SPTLC1: variants seen among roughly 807,000 people sequenced by gnomAD.
The protein encoded by SPTLC1 is serine palmitoyltransferase long chain base subunit 1.
A neutral mutation model predicts 68.9 loss-of-function variants in SPTLC1; 55 were observed. The ratio of observed to expected loss-of-function variants is 0.80; its 90% CI spans 0.64 to 1.00. SPTLC1 has a LOEUF of 1.00. SPTLC1 is among the 50% of genes least tolerant of loss of function. The probability of loss-of-function intolerance (pLI) is 0.00; values close to 1 mark genes in which losing one functional copy is unlikely to be tolerated. For missense variants in SPTLC1, 449 were observed against 573.1 expected (o/e 0.78, Z 2.21); for synonymous variants, 197 against 201.6 (o/e 0.98, Z 0.19).
At chr9:92,112,410 T>C (rs1056756640) in intron 2 of SPTLC1, 45 bp downstream of exon 2, 1 of 1,347,718 alleles carries the variant, frequency 7.4e-7, no homozygotes, top group Non-Finnish European at 1.1e-6. Flanking sequence ...ACATAGCAAC[T>C]ATAATCACAT....
At position 92,032,552 on chromosome 9, in the gene SPTLC1, C is replaced by A; in HGVS notation, c.1335G>T (p.Arg445=). 7 of 1,614,108 alleles carry A rather than the reference C, an allele frequency of 4.3e-6. No homozygotes were observed. The highest frequency in any genetic ancestry group is 5.9e-6 in the Non-Finnish European group (7 of 1,180,026). The change falls in exon 15 of 15, where the codon CGG becomes CGT. Residue 445 remains arginine (R), a synonymous_variant. Coordinates refer to ENST00000262554, the MANE Select transcript of SPTLC1 (RefSeq NM_006415.4). ...EEKCLPPPSI[R]VVVTVEQTEE... is the part of the protein sequence containing the mutation. ...CTGTTTGTTCCACCGTGACCACAAC[C>A]CGAATGCTGAGAACAGTAAAGGACA... is the stretch of plus-strand genomic sequence containing the variant.
chr9:92,085,060 T>C (rs1381444018), intron 3 of SPTLC1, among the ~76,000 whole-genome samples: 1 of 151,246 alleles, frequency 6.6e-6, no homozygotes, highest in Non-Finnish European at 1.5e-5. Context: ...TGATGGTAGT[T>C]TGTATTTCTG....
intron 6 of SPTLC1, among the ~76,000 whole-genome samples, 197 bp from the exon 7 acceptor site, chr9:92,059,505 A>G (rs1834013551): frequency 6.6e-6 from 1 of 152,234 alleles, no homozygotes; most frequent in East Asian, 1.9e-4. Context: ...TACCATATTT[A>G]ATCTATTCCA....
Position 92,045,980 on chromosome 9 carries a change from G to T in SPTLC1, c.1136+19C>A. Reference sequence around the variant, plus strand: ...GGTGCAGATAAACTTTATGTTGGTTGAAAATATATAAAACTCACCCTTGTA... The same window carrying T: ...GGTGCAGATAAACTTTATGTTGGTTTAAAATATATAAAACTCACCCTTGTA... On this transcript the variant is annotated intron_variant, in intron 12 of 14. Transcript: ENST00000262554. 1 of 1,607,452 alleles carries T rather than the reference G, an allele frequency of 6.2e-7. No individual in the cohort carries two copies. Among genetic ancestry groups the T allele is most frequent in the South Asian group, 1.1e-5 (1 of 90,818 alleles).
chr9:92,097,914 G>C (rs942937416), intron 3 of SPTLC1, among the ~76,000 whole-genome samples: 3 of 152,102 alleles, frequency 2.0e-5, no homozygotes, highest in Non-Finnish European at 4.4e-5. Flanking sequence ...TATCAATAAG[G>C]CTTCTGTCTA....
chr9:92,043,568 C>T (rs1833417813), intron 12 of SPTLC1, among the ~76,000 whole-genome samples: 1 of 152,164 alleles, frequency 6.6e-6, no homozygotes, highest in South Asian at 2.1e-4. Flanking sequence ...ACCAAACCCC[C>T]TGAGCTCTAC....
Position 92,068,106 on chromosome 9 carries a change from A to C in SPTLC1, c.428-8T>G. ...CCAAATCCAAATGAACATCTATTTC[A>C]GTTAAAAAAGTTAAATGGTTAAACT... On this transcript the variant is annotated splice_polypyrimidine_tract_variant and splice_region_variant and intron_variant, in intron 5 of 14. Transcript: ENST00000262554. 1 of 1,611,618 alleles carries C rather than the reference A, an allele frequency of 6.2e-7. No homozygotes were observed.
At chr9:92,093,551 T>C (rs1835439309) in intron 3 of SPTLC1, among the ~76,000 whole-genome samples, 1 of 151,946 alleles carries the variant, frequency 6.6e-6, no homozygotes, top group Admixed American at 6.5e-5. Flanking sequence ...CTCAACGAAA[T>C]CAACAAACCA....
chr9:92,045,524 T>TTA (rs1274356655), intron 12 of SPTLC1, among the ~76,000 whole-genome samples: 32 of 31,624 alleles, frequency 1.0e-3, no homozygotes, highest in African/African-American at 3.5e-3. Context: ...TCTTGTGTAG[T>TTA]AAAAAAAAAA....
At chr9:92,066,224 C>T (rs1325574795) in intron 6 of SPTLC1, among the ~76,000 whole-genome samples, 2 of 152,034 alleles carry the variant, frequency 1.3e-5, no homozygotes, top group Admixed American at 6.5e-5. Flanking sequence ...GAGCAGGGTG[C>T]GTGTGAGAGA....
chr9:92,058,940 T>C (rs183519967), intron 7 of SPTLC1, among the ~76,000 whole-genome samples: 64 of 152,298 alleles, frequency 4.2e-4, no homozygotes, highest in Middle Eastern at 3.4e-3. Context: ...CCTCTCTTGA[T>C]CTCTCAGAAA....
At chr9:92,098,656 A>G (rs1039644417) in intron 3 of SPTLC1, among the ~76,000 whole-genome samples, 3 of 152,186 alleles carry the variant, frequency 2.0e-5, no homozygotes, top group Non-Finnish European at 4.4e-5. Flanking sequence ...AACAATCAGT[A>G]CAGTGCAAAA....
rs1836020537 is a variant in SPTLC1, at chr9:92,106,979, A to AT, written c.260+1760dup. Reference sequence around the variant, plus strand: ...CAAAAGACCCAAGTATGCAAGCAATATATACCATGTAAATGGGTAGTGAGA... The same window carrying AT: ...CAAAAGACCCAAGTATGCAAGCAATATTATACCATGTAAATGGGTAGTGAGA... On this transcript the variant is annotated intron_variant, in intron 3 of 14. Transcript: ENST00000262554. Among the ~76,000 whole-genome samples the AT allele has an allele frequency of 2.0e-5, 3 of 152,206 alleles. No homozygotes were observed. In the East Asian group the frequency reaches 5.8e-4, roughly 29 times the overall value.
Position 92,079,976 on chromosome 9 carries a change from T to C in SPTLC1, c.427+40A>G, listed in dbSNP as rs1243125382. Reference sequence around the variant, plus strand: ...CAGCCTAAAATTGAATCTTAACTATTGAAAGCAGTAGTCTCAAAGAGAACA... The same window carrying C: ...CAGCCTAAAATTGAATCTTAACTATCGAAAGCAGTAGTCTCAAAGAGAACA... On this transcript the variant is annotated intron_variant, in intron 5 of 14. Coordinates refer to ENST00000262554, the MANE Select transcript of SPTLC1 (RefSeq NM_006415.4). The C allele has an allele frequency of 3.2e-6, 5 of 1,539,724 alleles. No individual in the cohort carries two copies. The African/African-American group carries it at 5.5e-5, about 17-fold the overall frequency.
intron 5 of SPTLC1, among the ~76,000 whole-genome samples, chr9:92,070,690 G>A (rs1203343774): frequency 1.3e-5 from 2 of 152,084 alleles, no homozygotes; most frequent in Non-Finnish European, 2.9e-5. Context: ...AAATAGGGGG[G>A]ATAGTCCTAC....
chr9:92,056,244 T>A (rs970325390), intron 7 of SPTLC1, among the ~76,000 whole-genome samples: 1 of 152,148 alleles, frequency 6.6e-6, no homozygotes, highest in African/African-American at 2.4e-5. Context: ...TCCTTTTCTT[T>A]TTTTTGAGAT....
rs1481209572 is a variant in SPTLC1 at position 92,032,570 on chromosome 9, A to G, written c.1329-12T>C. The G allele has an allele frequency of 1.2e-6, 2 of 1,613,218 alleles. No individual in the cohort carries two copies. Among genetic ancestry groups the G allele is most frequent in the Non-Finnish European group, 1.7e-6 (2 of 1,180,024 alleles). ...CCACAACCCGAATGCTGAGAACAGT[A>G]AAGGACACAAAGAATTATCTTTGTG... On this transcript the variant is annotated splice_polypyrimidine_tract_variant and intron_variant, in intron 14 of 14. Coordinates refer to ENST00000262554, the MANE Select transcript of SPTLC1 (RefSeq NM_006415.4).
intron 5 of SPTLC1, 186 bp downstream of exon 5, chr9:92,079,830 T>C: frequency 4.5e-6 from 3 of 673,080 alleles, no homozygotes; most frequent in Non-Finnish European, 7.9e-6. Flanking sequence ...AATTTTATTA[T>C]TTTTTGTAGA....
intron 6 of SPTLC1, among the ~76,000 whole-genome samples, chr9:92,062,900 T>C (rs1307231877): frequency 6.6e-6 from 1 of 152,196 alleles, no homozygotes; most frequent in African/African-American, 2.4e-5. Flanking sequence ...GGCAATTCAT[T>C]GCACTAAATG....
Sources: allele counts gnomAD v4.1 joint callset (sites outside exome capture counted in the v4.1 genomes callset), GRCh38; gene constraint gnomAD v4.1.1; transcripts MANE v1.5; gene names NCBI Gene and HGNC (gene_info 2026-07-23, HGNC 2026-07-21).